The following KCNK12 variants were observed in gnomAD, a reference collection of about 807,000 sequenced individuals.
KCNK12 encodes potassium channel subfamily K member 12.
In KCNK12, 6 loss-of-function variants were observed where a neutral mutation model predicts 25.3. That is an observed-to-expected ratio of 0.24 (90% CI 0.13 to 0.47). The LOEUF is 0.47. Ranked by LOEUF, KCNK12 falls within the 20% of genes least tolerant of loss-of-function variation. The pLI is 0.99. For synonymous variants in KCNK12, 331 were observed against 311.1 expected, an observed-to-expected ratio of 1.06 and a Z score of -0.67; for missense variants, 444 against 661.7, an observed-to-expected ratio of 0.67 and a Z score of 3.61.
In KCNK12 at chr2:47,565,320, GCTTATAATGT is replaced by G. The variant is rs964217326; in HGVS notation, c.391+4611_391+4620del. On this transcript the variant is annotated intron_variant, in intron 1 of 1. Transcript: ENST00000327876. The surrounding 1 kb of genome is among the most constrained non-coding windows in gnomAD (Gnocchi z 5.0). ...TGTAAATGTGGTAGTGACATTTTGG[GCTTATAATGT>G]CTTAGTTTCCTTTGTAGCAAAAAGA... The G allele has an allele frequency of 1.3e-5, 2 of 152,174 alleles. No individual in the cohort carries two copies. The highest frequency in any genetic ancestry group is 2.9e-5 in the Non-Finnish European group (2 of 68,020). 9.4% of individuals were successfully genotyped at this position (152,174 alleles called of 1,614,324 possible). A position where few individuals can be genotyped will look rare whatever the true frequency, so the allele number is the denominator to read the frequency against.
intron 1 of KCNK12, among the ~76,000 whole-genome samples, chr2:47,534,517 C>CCA (rs1553378762): frequency 2.0e-5 from 2 of 99,668 alleles, no homozygotes; most frequent in Non-Finnish European, 4.1e-5. Context: ...CCCTTCTAAC[C>CCA]CCCCCCCCCG....
chr2:47,543,334 T>G (rs1260631700), intron 1 of KCNK12: 1 of 151,968 alleles, frequency 6.6e-6, no homozygotes, highest in Non-Finnish European at 1.5e-5. Context: ...GGTTTTCTGG[T>G]TTTAGGAATC....
At chr2:47,526,637 C>G (rs9309148) in intron 1 of KCNK12, among the ~76,000 whole-genome samples, 151,644 of 152,192 alleles carry the variant, frequency 1, 75,553 homozygotes, top group East Asian at 1. Flanking sequence ...GGAGGCTAAG[C>G]CAGGAGAATC....
rs142952012 is a variant in KCNK12, at chr2:47,525,252, G to T, written c.392-3444C>A. Among the ~76,000 whole-genome samples, 2 of 152,348 alleles carry T rather than the reference G, an allele frequency of 1.3e-5. No homozygotes were observed. The highest frequency in any genetic ancestry group is 2.9e-5 in the Non-Finnish European group (2 of 68,032). Reference sequence around the variant, plus strand: ...ATTGATGGGATCTTCCATCAGTTGGGAAGTTGTTATGGGTAGTTGTTGTGG... The same window carrying T: ...ATTGATGGGATCTTCCATCAGTTGGTAAGTTGTTATGGGTAGTTGTTGTGG... On this transcript the variant is annotated intron_variant, in intron 1 of 1. Coordinates refer to ENST00000327876, the MANE Select transcript of KCNK12 (RefSeq NM_022055.2). The surrounding 1 kb of genome is among the most constrained non-coding windows in gnomAD (Gnocchi z 4.1).
At chr2:47,546,983 C>A (rs950134598) in intron 1 of KCNK12, among the ~76,000 whole-genome samples, 1 of 152,112 alleles carries the variant, frequency 6.6e-6, no homozygotes, top group Non-Finnish European at 1.5e-5. Context: ...GTGGGAAAGG[C>A]CATATAGATA....
At position 47,547,458 on chromosome 2, in the gene KCNK12, C is replaced by T. The variant is rs1244387285; in HGVS notation, c.391+22483G>A. Among the ~76,000 whole-genome samples the T allele has an allele frequency of 2.0e-5, 3 of 152,048 alleles. No individual in the cohort carries two copies. Among genetic ancestry groups the T allele is most frequent in the Non-Finnish European group, 4.4e-5 (3 of 68,000 alleles). ...AGGTGATCTTTTCTTTTTCTTTTTG[C>T]GTCTGGGTCTGGCTCTATTGCCCAG... On this transcript the variant is annotated intron_variant, in intron 1 of 1. Transcript: ENST00000327876. This position sits in a 1 kb window ranked among gnomAD's most constrained non-coding sequence, Gnocchi z 5.0.
At chr2:47,552,221 A>G (rs1240536327) in intron 1 of KCNK12, among the ~76,000 whole-genome samples, 1 of 152,202 alleles carries the variant, frequency 6.6e-6, no homozygotes, top group Non-Finnish European at 1.5e-5. Flanking sequence ...TCATTGCCAC[A>G]CACCAACCTC....
At chr2:47,561,905 C>A (rs1296444733) in intron 1 of KCNK12, among the ~76,000 whole-genome samples, 1 of 152,152 alleles carries the variant, frequency 6.6e-6, no homozygotes, top group African/African-American at 2.4e-5. Flanking sequence ...AATAGTCTTC[C>A]CAGATATAAG....
Position 47,570,268 on chromosome 2 carries a change from A to G in KCNK12, c.64T>C (p.Cys22Arg). 1.4e-6 allele frequency: 2 copies of G among 1,420,442 alleles called. No individual in the cohort carries two copies. The highest frequency in any genetic ancestry group is 1.8e-6 in the Non-Finnish European group (2 of 1,088,230). 88.0% of individuals were successfully genotyped at this position (1,420,442 alleles called of 1,614,324 possible). A position where few individuals can be genotyped will look rare whatever the true frequency, so the allele number is the denominator to read the frequency against. ...GAACGGCGGCAGCAGCAGCAGCAGC[A>G]GGAGGGGCGCGGCAGGCGGCGGCGG... ...RSRRRLPRPS[C>R]CCCCCRRSHL... Residue 22 changes from cysteine to arginine, a missense_variant, in exon 1 of 2, where the codon TGC becomes CGC. Physicochemically the swap from Cys to Arg is radical, Grantham distance 180. Around this residue, in one of 8 missense-constraint regions of KCNK12, gnomAD observed 67 missense variants for 59.2 expected, o/e 1.13. Transcript: ENST00000327876.
chr2:47,511,254 C>A lies in KCNK12; in HGVS notation c.*9653G>T, dbSNP rs1370528166. The stretch of plus-strand genomic sequence containing the variant: ...CCTCTGTCTGCAGAGTCAAGCAAAT[C>A]TTCCATTTTTTGTTCCCCTGCTGCC... On this transcript the variant is annotated 3_prime_UTR_variant, in exon 2 of 2. Transcript: ENST00000327876. The surrounding 1 kb of genome is among the most constrained non-coding windows in gnomAD (Gnocchi z 4.3). 1.3e-5 allele frequency among the ~76,000 whole-genome samples: 2 copies of A among 152,162 alleles called. No individual in the cohort carries two copies. The highest frequency in any genetic ancestry group is 2.9e-5 in the Non-Finnish European group (2 of 68,030).
chr2:47,542,213 C>T (rs918233518), intron 1 of KCNK12, among the ~76,000 whole-genome samples: 8 of 152,196 alleles, frequency 5.3e-5, no homozygotes, highest in African/African-American at 9.7e-5. Flanking sequence ...CTCTCTCTGA[C>T]GCAGCTCTCC....
chr2:47,569,870 G>C lies in KCNK12; in HGVS notation c.391+71C>G. 6 of 1,208,226 alleles carry C rather than the reference G, an allele frequency of 5.0e-6. No individual in the cohort carries two copies. Among genetic ancestry groups the C allele is most frequent in the Non-Finnish European group, 6.4e-6 (6 of 942,320 alleles). The allele number at this position is 1,208,226 out of a possible 1,614,324, so 74.8% of individuals were successfully genotyped here. ...CAGAGCCGAGGGACGCGGACCGAGC[G>C]GCCGAGCAGTGGAAAGGGCGGCAGG... On this transcript the variant is annotated intron_variant, in intron 1 of 1. Transcript: ENST00000327876. The surrounding 1 kb of genome is among the most constrained non-coding windows in gnomAD (Gnocchi z 4.1).
rs986726043 is a variant in KCNK12 at position 47,538,997 on chromosome 2, C to T, written c.392-17189G>A. Among the ~76,000 whole-genome samples the T allele has an allele frequency of 6.6e-6, 1 of 152,224 alleles. No individual in the cohort carries two copies. Among genetic ancestry groups the T allele is most frequent in the Non-Finnish European group, 1.5e-5 (1 of 68,042 alleles). On this transcript the variant is annotated intron_variant, in intron 1 of 1. Coordinates refer to ENST00000327876, the MANE Select transcript of KCNK12 (RefSeq NM_022055.2). This position sits in a 1 kb window ranked among gnomAD's most constrained non-coding sequence, Gnocchi z 4.5. ...TAACTGTCTTCTTTTTCTCTGTCAGCAGAGTCTCATGCAATTTTAAAAGGA... is the reference window on the plus strand; with the variant it reads ...TAACTGTCTTCTTTTTCTCTGTCAGTAGAGTCTCATGCAATTTTAAAAGGA...
At position 47,521,217 on chromosome 2, in the gene KCNK12, GGCGCGCCAGGAGCCGGGCAGCA is replaced by G. The variant is rs1279260012; in HGVS notation, c.961_982del (p.Cys321ProfsTer92). On this transcript the variant is annotated frameshift_variant, in exon 2 of 2. Coordinates refer to ENST00000327876, the MANE Select transcript of KCNK12 (RefSeq NM_022055.2). LOFTEE classifies it high-confidence loss of function. Reference sequence around the variant, plus strand: ...GGTGATGGCATTGCGCCGGGCCAGGGGCGCGCCAGGAGCCGGGCAGCAGCGCGCGCAGCAGCGGCAGCTCAGC... The same window carrying G: ...GGTGATGGCATTGCGCCGGGCCAGGGGCGCGCGCAGCAGCGGCAGCTCAGC... 1.3e-6 allele frequency: 2 copies of G among 1,578,134 alleles called. No homozygotes were observed. The highest frequency in any genetic ancestry group is 1.7e-6 in the Non-Finnish European group (2 of 1,162,714).
rs1193027745 is a variant in KCNK12, at chr2:47,515,189, A to T, written c.*5718T>A. Reference sequence around the variant, plus strand: ...TGACGAGAAATCAGGCCTCTCCGCCACGGCAGCCTAGCTAATGGGTCTTGG... The same window carrying T: ...TGACGAGAAATCAGGCCTCTCCGCCTCGGCAGCCTAGCTAATGGGTCTTGG... On this transcript the variant is annotated 3_prime_UTR_variant, in exon 2 of 2. Coordinates refer to ENST00000327876, the MANE Select transcript of KCNK12 (RefSeq NM_022055.2). Among the ~76,000 whole-genome samples the T allele has an allele frequency of 6.6e-6, 1 of 152,168 alleles. No individual in the cohort carries two copies. Among genetic ancestry groups the T allele is most frequent in the Non-Finnish European group, 1.5e-5 (1 of 68,030 alleles).
chr2:47,560,444 C>CTG lies in KCNK12; in HGVS notation c.391+9495_391+9496dup, dbSNP rs753670693. ...TCCCCAAACTGTGCTTCAGCTCTCA[C>CTG]TGATGCCTCCTCATCCTCCTCCTCC... On this transcript the variant is annotated intron_variant, in intron 1 of 1. Coordinates refer to ENST00000327876, the MANE Select transcript of KCNK12 (RefSeq NM_022055.2). This position sits in a 1 kb window ranked among gnomAD's most constrained non-coding sequence, Gnocchi z 4.7. Among the ~76,000 whole-genome samples the CTG allele has an allele frequency of 6.6e-6, 1 of 152,206 alleles. No individual in the cohort carries two copies. The highest frequency in any genetic ancestry group is 1.5e-5 in the Non-Finnish European group (1 of 68,032).
At position 47,517,116 on chromosome 2, in the gene KCNK12, A is replaced by T. The variant is rs1281892712; in HGVS notation, c.*3791T>A. ...GGCTGTCTGGCTGTGCTTTCCAGAC[A>T]GTGTGTATGTGGAATTGTGCTTTTT... On this transcript the variant is annotated 3_prime_UTR_variant, in exon 2 of 2. Transcript: ENST00000327876. This position sits in a 1 kb window ranked among gnomAD's most constrained non-coding sequence, Gnocchi z 4.1. The T allele has an allele frequency of 6.6e-6, 1 of 152,182 alleles. No individual in the cohort carries two copies. Among genetic ancestry groups the T allele is most frequent in the Non-Finnish European group, 1.5e-5 (1 of 68,052 alleles). The allele number at this position is 152,182 out of a possible 1,614,324, so 9.4% of individuals were successfully genotyped here.
intron 1 of KCNK12, among the ~76,000 whole-genome samples, chr2:47,539,499 A>C (rs1669147493): frequency 2.0e-5 from 3 of 152,254 alleles, no homozygotes; most frequent in Middle Eastern, 3.4e-3. Context: ...GAGTAGCCAA[A>C]AGGGGACTAA....
rs941200832 is a variant in KCNK12 at position 47,549,453 on chromosome 2, A to C, written c.391+20488T>G. On this transcript the variant is annotated intron_variant, in intron 1 of 1. Coordinates refer to ENST00000327876, the MANE Select transcript of KCNK12 (RefSeq NM_022055.2). The stretch of plus-strand genomic sequence containing the variant: ...ATCAGATATGCAAAGAAGCAGGAAG[A>C]TGTGACCCAGAAATAAGAGAAAAAT... 9.2e-5 allele frequency among the ~76,000 whole-genome samples: 14 copies of C among 152,346 alleles called. 1 individual carries two copies. Among genetic ancestry groups the C allele is most frequent in the South Asian group, 2.1e-4 (1 of 4,824 alleles).
Sources: gnomAD v4.1 joint callset for allele counts (sites outside exome capture counted in the v4.1 genomes callset) on GRCh38, gnomAD v4.1.1 for gene constraint, gnomAD v4.1.1 regional missense constraint, Gnocchi (gnomAD v3.1) non-coding constraint, MANE v1.5 for transcripts, NCBI Gene and HGNC (gene_info 2026-07-23, HGNC 2026-07-21) for gene names.